The following RXRA variants were observed in gnomAD, a reference collection of about 807,000 sequenced individuals.
RXRA encodes retinoid X receptor alpha, also known as retinoic acid receptor RXR-alpha.
In RXRA, 5 loss-of-function variants were observed where a neutral mutation model predicts 44.5. That is an observed-to-expected ratio of 0.11 (90% CI 0.06 to 0.24). The LOEUF (loss-of-function observed/expected upper bound fraction) is 0.24. RXRA is among the 10% of genes least tolerant of loss of function. The probability of loss-of-function intolerance (pLI) is 1.00; values close to 1 mark genes in which losing one functional copy is unlikely to be tolerated. For synonymous variants in RXRA, 291 were observed against 271.4 expected, an observed-to-expected ratio of 1.07 and a Z score of -0.71; for missense variants, 412 against 646.5, an observed-to-expected ratio of 0.64 and a Z score of 3.93.
chr9:134,357,285 G>A (rs1424381837), intron 1 of RXRA, among the ~76,000 whole-genome samples: 2 of 152,298 alleles, frequency 1.3e-5, no homozygotes, highest in African/African-American at 2.4e-5. Context: ...GCCAGAGTTC[G>A]CTGCTGAGCG....
At chr9:134,394,234 TGGTGGTGATGAC>T (rs1830844319) in intron 1 of RXRA, among the ~76,000 whole-genome samples, 1 of 151,658 alleles carries the variant, frequency 6.6e-6, no homozygotes, top group African/African-American at 2.4e-5. Context: ...ATAGTGATGG[TGGTGGTGATGAC>T]GGTGGTGATG....
chr9:134,370,760 G>T (rs904523179), intron 1 of RXRA, among the ~76,000 whole-genome samples: 3 of 152,184 alleles, frequency 2.0e-5, no homozygotes, highest in Admixed American at 1.3e-4. Flanking sequence ...TGGCGGCGCC[G>T]GGTGGGCCTT....
intron 9 of RXRA, among the ~76,000 whole-genome samples, chr9:134,434,524 C>A (rs1408046477): frequency 6.6e-6 from 1 of 152,214 alleles, no homozygotes; most frequent in African/African-American, 2.4e-5. Context: ...AGCAGAACCA[C>A]CAGAGGCCAG....
rs1554752286 is a variant in RXRA, at chr9:134,378,350, G to GGCCAGCGCCTCTGT, written c.29-23272_29-23271insCTGTGCCAGCGCCT. Among the ~76,000 whole-genome samples, 7 of 151,498 alleles carry GGCCAGCGCCTCTGT rather than the reference G, an allele frequency of 4.6e-5. No individual in the cohort carries two copies. In the East Asian group the frequency reaches 1.4e-3, roughly 30 times the overall value. The stretch of plus-strand genomic sequence containing the variant: ...GCCGCCACCTGAAGGCGTGTGTGCC[G>GGCCAGCGCCTCTGT]GCCAGCGCCTGTGTGCGGGGTCCTT... On this transcript the variant is annotated intron_variant, in intron 1 of 9. Transcript: ENST00000481739.
At chr9:134,423,871 T>TCCCAC (rs1831388427) in intron 6 of RXRA, 2 of 973,082 alleles carry the variant, frequency 2.1e-6, no homozygotes, top group Admixed American at 6.1e-5. Context: ...AGGGCGGTGC[T>TCCCAC]CCCACCCCAC....
At chr9:134,395,990 C>T (rs1830872066) in intron 1 of RXRA, among the ~76,000 whole-genome samples, 1 of 152,164 alleles carries the variant, frequency 6.6e-6, no homozygotes, top group Non-Finnish European at 1.5e-5. Flanking sequence ...CTTTGCCTGC[C>T]CCTGCGGGGA....
intron 1 of RXRA, among the ~76,000 whole-genome samples, chr9:134,391,918 C>T (rs1830806238): frequency 6.6e-6 from 1 of 152,220 alleles, no homozygotes. Context: ...GCGGCTCCCC[C>T]TTGTCACCAC....
chr9:134,425,591 C>T (rs1481856147), intron 6 of RXRA: 21 of 347,140 alleles, frequency 6.0e-5, no homozygotes, highest in African/African-American at 1.6e-4. Flanking sequence ...TGGAAGTGGG[C>T]GGGCCTTGCT....
chr9:134,426,473 A>AGG lies in RXRA; in HGVS notation c.911-2632_911-2631dup, dbSNP rs1831436446. On this transcript the variant is annotated intron_variant, in intron 6 of 9. Transcript: ENST00000481739. The surrounding 1 kb of genome is among the most constrained non-coding windows in gnomAD (Gnocchi z 4.6). The stretch of plus-strand genomic sequence containing the variant: ...ACATCGGGGTGGAGGGACAGGGGAC[A>AGG]GGGGAGCTGAGATGCAGCCGGCGTG... 1.1e-5 allele frequency: 11 copies of AGG among 985,272 alleles called. No homozygotes were observed. The highest frequency in any genetic ancestry group is 1.2e-5 in the Non-Finnish European group (10 of 829,780). The allele number at this position is 985,272 out of a possible 1,614,324, so 61.0% of individuals were successfully genotyped here.
chr9:134,361,124 G>C (rs1830346498), intron 1 of RXRA, among the ~76,000 whole-genome samples: 1 of 152,236 alleles, frequency 6.6e-6, no homozygotes, highest in Non-Finnish European at 1.5e-5. Context: ...TGGCGCACGT[G>C]CCCTGCCATC....
intron 1 of RXRA, among the ~76,000 whole-genome samples, chr9:134,332,157 G>C (rs1466816212): frequency 6.6e-6 from 1 of 152,220 alleles, no homozygotes; most frequent in Non-Finnish European, 1.5e-5. Context: ...CCCACTCCCA[G>C]GTGGAAAGCT....
chr9:134,369,649 T>G (rs918574506), intron 1 of RXRA, among the ~76,000 whole-genome samples: 5 of 151,908 alleles, frequency 3.3e-5, no homozygotes, highest in African/African-American at 1.2e-4. Flanking sequence ...ACCCAGGGCC[T>G]CCTCCCTGTG....
intron 1 of RXRA, among the ~76,000 whole-genome samples, chr9:134,378,170 CA>C (rs1235543364): frequency 2.0e-5 from 3 of 152,244 alleles, no homozygotes; most frequent in African/African-American, 7.2e-5. Flanking sequence ...AGGGCACAGG[CA>C]AGGCACAGAG....
intron 1 of RXRA, among the ~76,000 whole-genome samples, chr9:134,354,280 C>T (rs937861867): frequency 2.6e-5 from 4 of 152,226 alleles, no homozygotes; most frequent in Non-Finnish European, 4.4e-5. Context: ...TAATGTCTCC[C>T]TTCTACCGGG....
At position 134,365,417 on chromosome 9, in the gene RXRA, C is replaced by T. The variant is rs1373926643; in HGVS notation, c.29-36215C>T. On this transcript the variant is annotated intron_variant, in intron 1 of 9. Transcript: ENST00000481739. The surrounding 1 kb of genome is among the most constrained non-coding windows in gnomAD (Gnocchi z 4.0). ...CCCAGGTGGGATTTGGCGGGTAACG[C>T]TCGTGGTGTGTCCTGGTGTGAGACC... 1.3e-5 allele frequency among the ~76,000 whole-genome samples: 2 copies of T among 152,170 alleles called. No homozygotes were observed. The highest frequency in any genetic ancestry group is 2.9e-5 in the Non-Finnish European group (2 of 68,022).
chr9:134,338,391 A>G lies in RXRA; in HGVS notation c.28+11732A>G, dbSNP rs148774194. On this transcript the variant is annotated intron_variant, in intron 1 of 9. Transcript: ENST00000481739. ...CAGGGTGCCCCTGGCTGCAGGACAC[A>G]GGCCACTTCTGGTCCCAGATTGACG... 7.3e-4 allele frequency among the ~76,000 whole-genome samples: 111 copies of G among 152,350 alleles called. 3 individuals carry two copies. In the East Asian group the frequency reaches 0.02, roughly 27 times the overall value.
rs747111544 is a variant in RXRA, at chr9:134,417,377, CCTCA to C, written c.780+60_780+63del. 2.8e-5 allele frequency: 45 copies of C among 1,588,114 alleles called. No individual in the cohort carries two copies. The highest frequency in any genetic ancestry group is 1.7e-4 in the Middle Eastern group (1 of 6,010). Reference sequence around the variant, plus strand: ...GGGCAGCCTCACATGCCTCAGTTTCCCTCACTCACTCACCCTCCCACCTGAGCAG... The same window carrying C: ...GGGCAGCCTCACATGCCTCAGTTTCCCTCACTCACCCTCCCACCTGAGCAG... On this transcript the variant is annotated intron_variant, in intron 5 of 9. Transcript: ENST00000481739. This position sits in a 1 kb window ranked among gnomAD's most constrained non-coding sequence, Gnocchi z 6.1.
At position 134,343,494 on chromosome 9, in the gene RXRA, C is replaced by A. The variant is rs1457817234; in HGVS notation, c.28+16835C>A. Among the ~76,000 whole-genome samples the A allele has an allele frequency of 6.6e-6, 1 of 152,104 alleles. No homozygotes were observed. Among genetic ancestry groups the A allele is most frequent in the Non-Finnish European group, 1.5e-5 (1 of 68,018 alleles). ...CGTGAGGAGGGCATGAGTGTTGTAT[C>A]TCATGGGAAGAAGCATTTTTTTGGG... On this transcript the variant is annotated intron_variant, in intron 1 of 9. Transcript: ENST00000481739. This position sits in a 1 kb window ranked among gnomAD's most constrained non-coding sequence, Gnocchi z 4.1.
intron 5 of RXRA, among the ~76,000 whole-genome samples, chr9:134,419,090 G>A (rs542987649): frequency 4.6e-5 from 7 of 152,280 alleles, no homozygotes; most frequent in Admixed American, 2.0e-4. Flanking sequence ...AGCAGGCACC[G>A]TTCTTTCCGG....
Sources: allele counts gnomAD v4.1 joint callset (sites outside exome capture counted in the v4.1 genomes callset), GRCh38; gene constraint gnomAD v4.1.1; non-coding constraint Gnocchi (gnomAD v3.1); transcripts MANE v1.5; gene names NCBI Gene and HGNC (gene_info 2026-07-23, HGNC 2026-07-21).